UBE2R2: variants seen among roughly 807,000 people sequenced by gnomAD.
UBE2R2 encodes the protein ubiquitin conjugating enzyme E2 R2.
UBE2R2 carries 1 observed loss-of-function variant against 27.8 expected under a neutral mutation model. That is an observed-to-expected ratio of 0.04 (90% confidence interval 0.01 to 0.17). UBE2R2 has a LOEUF of 0.17. UBE2R2 is among the 10% of genes least tolerant of loss of function. UBE2R2 has a pLI of 1.00. For missense variants in UBE2R2, 100 were observed against 291.0 expected (o/e 0.34, Z 4.78); for synonymous variants, 106 against 113.3 (o/e 0.94, Z 0.41).
At chr9:33,897,348 G>A (rs946321441) in intron 2 of UBE2R2, among the ~76,000 whole-genome samples, 16 of 137,278 alleles carry the variant, frequency 1.2e-4, no homozygotes, top group African/African-American at 3.9e-4. Flanking sequence ...CAAGAGTTTC[G>A]CTTTTGTTGC....
At chr9:33,845,670 T>C (rs1320771323) in intron 1 of UBE2R2, among the ~76,000 whole-genome samples, 1 of 152,222 alleles carries the variant, frequency 6.6e-6, no homozygotes, top group Non-Finnish European at 1.5e-5. Flanking sequence ...TGTTTTATTT[T>C]CATTATTTTA....
intron 1 of UBE2R2, among the ~76,000 whole-genome samples, chr9:33,821,046 T>C (rs997877203): frequency 5.9e-5 from 9 of 152,246 alleles, no homozygotes; most frequent in African/African-American, 1.9e-4. Context: ...TCTTTTTGTG[T>C]AGTTTCTTAT....
intron 1 of UBE2R2, among the ~76,000 whole-genome samples, chr9:33,872,333 C>T (rs924883085): frequency 4.0e-5 from 6 of 151,816 alleles, no homozygotes; most frequent in Non-Finnish European, 7.4e-5. Context: ...ATTGAGGCTG[C>T]AGTGAGCTGT....
intron 1 of UBE2R2, among the ~76,000 whole-genome samples, chr9:33,865,538 A>G (rs1821342191): frequency 6.6e-6 from 1 of 152,054 alleles, no homozygotes; most frequent in Admixed American, 6.6e-5. Flanking sequence ...TAAAATTTCT[A>G]GTTTGTTGTT....
At chr9:33,902,052 C>T (rs1004803070) in intron 3 of UBE2R2, among the ~76,000 whole-genome samples, 1 of 151,734 alleles carries the variant, frequency 6.6e-6, no homozygotes, top group African/African-American at 2.4e-5. Flanking sequence ...TAGCTGGGAC[C>T]ACAGGCATGC....
chr9:33,817,272 G>C lies in UBE2R2; in HGVS notation c.-486G>C, dbSNP rs375221553. 9.1e-6 allele frequency among the ~76,000 whole-genome samples: 1 copy of C among 110,374 alleles called. No homozygotes were observed. Among genetic ancestry groups the C allele is most frequent in the Non-Finnish European group, 1.9e-5 (1 of 52,294 alleles). 72.4% of individuals were successfully genotyped at this position (110,374 alleles called of 152,430 possible). On this transcript the variant is annotated 5_prime_UTR_variant, in exon 1 of 5. Coordinates refer to ENST00000263228, the MANE Select transcript of UBE2R2 (RefSeq NM_017811.4). ...CGCCACCGCCGCGAGACCCCCGCAC[G>C]CCGCTCTCCCCCCACCCTCTCCTGC...
chr9:33,824,406 G>A (rs1820255274), intron 1 of UBE2R2, among the ~76,000 whole-genome samples: 1 of 152,056 alleles, frequency 6.6e-6, no homozygotes, highest in Non-Finnish European at 1.5e-5. Context: ...GGAGGCCGAG[G>A]CGGGCGGATC....
chr9:33,916,597 A>G (rs908236211), intron 4 of UBE2R2, among the ~76,000 whole-genome samples: 1 of 152,144 alleles, frequency 6.6e-6, no homozygotes, highest in African/African-American at 2.4e-5. Context: ...TAGCCCTTCT[A>G]TTATCTATTC....
intron 1 of UBE2R2, among the ~76,000 whole-genome samples, chr9:33,839,787 G>A (rs1267227655): frequency 1.3e-5 from 2 of 152,064 alleles, no homozygotes; most frequent in East Asian, 3.9e-4. Flanking sequence ...CTTGAGATCA[G>A]GAGTTTAAGA....
At chr9:33,843,359 C>CT (rs1185804221) in intron 1 of UBE2R2, among the ~76,000 whole-genome samples, 9 of 150,414 alleles carry the variant, frequency 6.0e-5, no homozygotes, top group East Asian at 2.0e-4. Context: ...AAGCAGACCT[C>CT]TTTTTAAAAA....
In UBE2R2 at chr9:33,853,119, G is replaced by A. The variant is rs552224531; in HGVS notation, c.178-33762G>A. Among the ~76,000 whole-genome samples, 3 of 152,000 alleles carry A rather than the reference G, an allele frequency of 2.0e-5. No individual in the cohort carries two copies. In the South Asian group the frequency reaches 6.2e-4, roughly 32 times the overall value. ...AGAAACCATGTGGATGATTTGTGTA[G>A]GAACTATTTTCCAGCACTTCAGAAA... On this transcript the variant is annotated intron_variant, in intron 1 of 4. Coordinates refer to ENST00000263228, the MANE Select transcript of UBE2R2 (RefSeq NM_017811.4).
intron 1 of UBE2R2, among the ~76,000 whole-genome samples, chr9:33,834,605 A>G (rs1220117704): frequency 6.6e-6 from 1 of 151,964 alleles, no homozygotes; most frequent in East Asian, 1.9e-4. Flanking sequence ...AAACCTATTC[A>G]TTATATAAAA....
upstream of UBE2R2, among the ~76,000 whole-genome samples, chr9:33,816,774 C>A (rs1397718408): frequency 2.0e-5 from 3 of 152,222 alleles, no homozygotes; most frequent in African/African-American, 7.2e-5. Flanking sequence ...GCTGCGGAGG[C>A]CCCTGGATCC....
intron 1 of UBE2R2, among the ~76,000 whole-genome samples, chr9:33,882,529 C>A (rs150802724): frequency 1.3e-5 from 2 of 152,270 alleles, no homozygotes; most frequent in African/African-American, 4.8e-5. Context: ...GTGATCCACC[C>A]GCCTAGGGCT....
chr9:33,846,443 G>A (rs1820848581), intron 1 of UBE2R2, among the ~76,000 whole-genome samples: 1 of 151,944 alleles, frequency 6.6e-6, no homozygotes, highest in Admixed American at 6.6e-5. Context: ...ACAATGCTTT[G>A]TCATCTAATT....
intron 1 of UBE2R2, among the ~76,000 whole-genome samples, chr9:33,859,119 C>T (rs1016675558): frequency 1.3e-4 from 20 of 152,026 alleles, no homozygotes; most frequent in Admixed American, 5.2e-4. Context: ...CCACCATGTC[C>T]GGCCGGAAGA....
At chr9:33,868,004 A>G (rs976206598) in intron 1 of UBE2R2, among the ~76,000 whole-genome samples, 1 of 152,162 alleles carries the variant, frequency 6.6e-6, no homozygotes, top group African/African-American at 2.4e-5. Flanking sequence ...GTGTCCAGGA[A>G]GAATCAGCTC....
chr9:33,823,886 T>C (rs970722984), intron 1 of UBE2R2, among the ~76,000 whole-genome samples: 1 of 152,222 alleles, frequency 6.6e-6, no homozygotes, highest in Admixed American at 6.5e-5. Flanking sequence ...TTTAAAATTA[T>C]AAAACGAATG....
chr9:33,880,899 T>TC (rs1821719119), intron 1 of UBE2R2, among the ~76,000 whole-genome samples: 1 of 152,158 alleles, frequency 6.6e-6, no homozygotes, highest in African/African-American at 2.4e-5. Context: ...AACACCCACC[T>TC]CACTACCCTT....
Sources: gnomAD v4.1 joint callset for allele counts (sites outside exome capture counted in the v4.1 genomes callset) on GRCh38, gnomAD v4.1.1 for gene constraint, MANE v1.5 for transcripts, NCBI Gene and HGNC (gene_info 2026-07-23, HGNC 2026-07-21) for gene names.